The following CDH8 variants were observed in gnomAD, a reference collection of about 807,000 sequenced individuals.
CDH8 encodes cadherin-8.
Under a neutral mutation model 68.1 loss-of-function variants are expected in CDH8, and 17 were observed. The observed-to-expected ratio is 0.25, with a 90% CI of 0.17 to 0.37. The LOEUF (loss-of-function observed/expected upper bound fraction) is 0.37, where lower values mean the gene tolerates loss of function less well. Among genes scored for constraint, CDH8 ranks in the 10% least tolerant of loss-of-function variants. CDH8 has a pLI of 1.00. For missense variants in CDH8, 763 were observed against 999.3 expected (o/e 0.76, Z 3.19); for synonymous variants, 372 against 365.1 (o/e 1.02, Z -0.21).
chr16:61,808,648 C>G (rs914020494), intron 7 of CDH8, among the ~76,000 whole-genome samples: 3 of 152,130 alleles, frequency 2.0e-5, no homozygotes, highest in Middle Eastern at 3.2e-3. Context: ...TACTAACATT[C>G]TTTAAATTAT....
At chr16:61,948,132 A>G (rs1423419580) in intron 2 of CDH8, among the ~76,000 whole-genome samples, 8 of 152,164 alleles carry the variant, frequency 5.3e-5, no homozygotes, top group Non-Finnish European at 1.0e-4. Flanking sequence ...AAAAACTAAG[A>G]AGGTGTTTGG....
intron 1 of CDH8, among the ~76,000 whole-genome samples, chr16:62,034,103 C>T (rs1416524926): frequency 6.6e-6 from 1 of 151,910 alleles, no homozygotes; most frequent in Non-Finnish European, 1.5e-5. Context: ...AAGAATGTAA[C>T]CCTAAGAGAA....
chr16:61,789,589 AAT>A (rs1961330256), intron 7 of CDH8, 107 bp from the exon 8 acceptor site: 12 of 1,071,432 alleles, frequency 1.1e-5, no homozygotes, highest in Non-Finnish European at 1.4e-5. Context: ...AAATCAAATG[AAT>A]TGGGAAACTC....
At chr16:61,778,154 T>A (rs1190671567) in intron 8 of CDH8, among the ~76,000 whole-genome samples, 3 of 152,076 alleles carry the variant, frequency 2.0e-5, no homozygotes, top group Non-Finnish European at 2.9e-5. Context: ...TCTCTTCTCT[T>A]CCATGGGTGT....
At chr16:61,899,290 C>G (rs1368828735) in intron 3 of CDH8, among the ~76,000 whole-genome samples, 3 of 152,064 alleles carry the variant, frequency 2.0e-5, no homozygotes, top group African/African-American at 7.2e-5. Flanking sequence ...CAGCCATGTA[C>G]ATAGTTTGAT....
chr16:61,729,943 A>G (rs1007021738), intron 8 of CDH8, among the ~76,000 whole-genome samples: 2 of 151,392 alleles, frequency 1.3e-5, no homozygotes, highest in Non-Finnish European at 3.0e-5. Context: ...TCAACTATGT[A>G]TGATATTATT....
chr16:61,750,013 A>G (rs1471287827), intron 8 of CDH8, among the ~76,000 whole-genome samples: 1 of 152,096 alleles, frequency 6.6e-6, no homozygotes, highest in Non-Finnish European at 1.5e-5. Context: ...TCACCCAGGT[A>G]GTCAGCATAG....
intron 2 of CDH8, among the ~76,000 whole-genome samples, chr16:61,927,531 T>C (rs1168126716): frequency 1.3e-5 from 2 of 152,200 alleles, no homozygotes; most frequent in Admixed American, 1.3e-4. Flanking sequence ...GATATATGCC[T>C]CCTAGACAAA....
intron 3 of CDH8, among the ~76,000 whole-genome samples, chr16:61,862,538 A>G (rs1245355704): frequency 6.6e-6 from 1 of 152,142 alleles, no homozygotes; most frequent in Non-Finnish European, 1.5e-5. Flanking sequence ...GACATCTGAA[A>G]ATGAAAAGGC....
intron 2 of CDH8, among the ~76,000 whole-genome samples, chr16:61,994,435 A>G (rs1965777374): frequency 6.6e-6 from 1 of 152,150 alleles, no homozygotes. Context: ...TTCCTTAGAC[A>G]TGAGGAATGG....
intron 7 of CDH8, among the ~76,000 whole-genome samples, chr16:61,808,832 CACA>C (rs1171553098): frequency 6.6e-6 from 1 of 152,102 alleles, no homozygotes; most frequent in Non-Finnish European, 1.5e-5. Flanking sequence ...GTGTTCCCAG[CACA>C]ACAATTTCAA....
intron 1 of CDH8, among the ~76,000 whole-genome samples, chr16:62,024,342 G>C (rs1902144978): frequency 1.3e-5 from 2 of 152,070 alleles, no homozygotes; most frequent in South Asian, 4.2e-4. Flanking sequence ...AGATACTCAT[G>C]GTACGTCAGA....
At chr16:61,853,769 T>A (rs899227105) in intron 4 of CDH8, among the ~76,000 whole-genome samples, 2 of 151,960 alleles carry the variant, frequency 1.3e-5, no homozygotes, top group Non-Finnish European at 2.9e-5. Context: ...GATTCTTGGG[T>A]CAAAATTAGT....
At chr16:61,772,742 G>A (rs1234630162) in intron 8 of CDH8, among the ~76,000 whole-genome samples, 1 of 151,926 alleles carries the variant, frequency 6.6e-6, no homozygotes, top group Non-Finnish European at 1.5e-5. Context: ...TGGTTCTCAA[G>A]GCATGGTCCC....
At chr16:61,877,386 T>A (rs1233720875) in intron 3 of CDH8, among the ~76,000 whole-genome samples, 1 of 152,110 alleles carries the variant, frequency 6.6e-6, no homozygotes, top group Non-Finnish European at 1.5e-5. Flanking sequence ...CAGCCCACAA[T>A]GTAAATAATT....
intron 2 of CDH8, among the ~76,000 whole-genome samples, chr16:61,960,068 CACATACATATATACAT>C (rs1965082472): frequency 7.7e-6 from 1 of 130,552 alleles, no homozygotes; most frequent in Non-Finnish European, 1.6e-5. Flanking sequence ...TGTGTGTATA[CACATACATATATACAT>C]ATATGTGTGT....
chr16:61,725,000 T>G (rs2142889145), intron 9 of CDH8, among the ~76,000 whole-genome samples: 1 of 151,038 alleles, frequency 6.6e-6, no homozygotes, highest in South Asian at 2.1e-4. Flanking sequence ...AACAACAGCA[T>G]GTACATCAGT....
intron 10 of CDH8, among the ~76,000 whole-genome samples, chr16:61,686,804 G>GC (rs1365693442): frequency 1.3e-5 from 2 of 151,882 alleles, no homozygotes; most frequent in Non-Finnish European, 2.9e-5. Context: ...TTTTAGGTTA[G>GC]CAGTATGTGT....
chr16:61,715,400 C>A (rs1219197620), intron 9 of CDH8, among the ~76,000 whole-genome samples: 1 of 151,504 alleles, frequency 6.6e-6, no homozygotes. Context: ...TTACTTAAGT[C>A]TCTGAAACTT....
Sources: allele counts gnomAD v4.1 joint callset (sites outside exome capture counted in the v4.1 genomes callset), GRCh38; gene constraint gnomAD v4.1.1; transcripts MANE v1.5; gene names NCBI Gene and HGNC (gene_info 2026-07-23, HGNC 2026-07-21).